The following THOC2 variants were observed in gnomAD, a reference collection of about 807,000 sequenced individuals.
THOC2 encodes THO complex 2.
In THOC2, 10 loss-of-function variants were observed where a neutral mutation model predicts 128.4. That is an observed-to-expected ratio of 0.08 (90% CI 0.05 to 0.13). THOC2 has a LOEUF of 0.13. Among genes scored for constraint, THOC2 ranks in the 10% least tolerant of loss-of-function variants. THOC2 has a pLI of 1.00. For missense variants in THOC2, 535 were observed against 1,155.7 expected (o/e 0.46, Z 7.79); for synonymous variants, 393 against 396.9 (o/e 0.99, Z 0.12).
intron 8 of THOC2, among the ~76,000 whole-genome samples, chrX:123,680,590 A>ACGAAAAACACCCACAGGTG (rs1364671766): frequency 9.1e-6 from 1 of 110,143 alleles, no homozygotes; most frequent in Non-Finnish European, 1.9e-5. Context: ...GTTCCACCTA[A>ACGAAAAACACCCACAGGTG]CGAAAAACAC....
chrX:123,628,862 T>C (rs1191129917), intron 22 of THOC2, among the ~76,000 whole-genome samples: 1 of 110,784 alleles, frequency 9.0e-6, no homozygotes, highest in Non-Finnish European at 1.9e-5. Context: ...GTGCTAAAAC[T>C]GGGAACATCC....
chrX:123,686,370 T>G, intron 8 of THOC2, among the ~76,000 whole-genome samples, 178 bp downstream of exon 8: 1 of 112,350 alleles, frequency 8.9e-6, no homozygotes. Context: ...TCACATCACA[T>G]CATTCATACT....
rs1456734692 is a variant in THOC2, at chrX:123,668,322, T to C, written c.862-8A>G. The C allele has an allele frequency of 2.2e-5, 25 of 1,153,887 alleles. No individual in the cohort carries two copies. The highest frequency in any genetic ancestry group is 2.9e-5 in the Non-Finnish European group (25 of 862,656). ...ATTATCAGCCGGAAGAAGCTAAAAA[T>C]GGTACATTAAAATTTCATAAAATAG... On this transcript the variant is annotated splice_polypyrimidine_tract_variant and splice_region_variant and intron_variant, in intron 9 of 38. Transcript: ENST00000245838.
At chrX:123,704,818 A>G (rs376975269) in intron 3 of THOC2, among the ~76,000 whole-genome samples, 1 of 112,065 alleles carries the variant, frequency 8.9e-6, no homozygotes, top group East Asian at 2.8e-4. Flanking sequence ...AGATTGTGCC[A>G]CTGCACTCTA....
intron 18 of THOC2, among the ~76,000 whole-genome samples, chrX:123,636,578 A>T (rs2047680721): frequency 9.0e-6 from 1 of 111,711 alleles, no homozygotes; most frequent in African/African-American, 3.3e-5. Flanking sequence ...ACTTGAATAA[A>T]TGACAAAATG....
rs772144157 is a variant in THOC2 at position 123,667,131 on chromosome X, T to C, written c.1165A>G (p.Ile389Val). 1.7e-6 allele frequency: 2 copies of C among 1,197,078 alleles called. No homozygotes were observed. The highest frequency in any genetic ancestry group is 2.2e-6 in the Non-Finnish European group (2 of 889,031). ...CTTCGGTAGAGAGGCTCAATAGTTA[T>C]ATGAATGAGCTTGCAAATAGCAAGG... ...IALAICKLIH[I>V]TIEPLYRRVG... The change falls in exon 11 of 39, where the codon ATA becomes GTA. Residue 389 changes from isoleucine to valine, a missense_variant. Ile to Val is a conservative substitution (Grantham distance 29). Transcript: ENST00000245838.
intron 1 of THOC2, among the ~76,000 whole-genome samples, chrX:123,722,376 A>G (rs918183572): frequency 8.9e-6 from 1 of 112,102 alleles, no homozygotes; most frequent in Non-Finnish European, 1.9e-5. Context: ...ACCATGGAAT[A>G]CTATGCAACC....
chrX:123,651,381 A>C (rs1341013966), intron 12 of THOC2, among the ~76,000 whole-genome samples: 2 of 111,911 alleles, frequency 1.8e-5, no homozygotes, highest in Non-Finnish European at 3.8e-5. Flanking sequence ...TAACATCACA[A>C]TTAAAAGAAG....
chrX:123,656,220 G>A (rs367701581), intron 12 of THOC2, among the ~76,000 whole-genome samples: 38 of 107,005 alleles, frequency 3.6e-4, no homozygotes, highest in African/African-American at 1.2e-3. Flanking sequence ...CTACTGAGGA[G>A]GCTGAGGCAG....
chrX:123,662,446 G>C (rs1362284717), intron 12 of THOC2, among the ~76,000 whole-genome samples: 2 of 109,142 alleles, frequency 1.8e-5, no homozygotes, highest in African/African-American at 6.7e-5. Context: ...AAATTAGCCG[G>C]GCGTGGTGGT....
At chrX:123,663,699 C>G (rs185722682) in intron 12 of THOC2, among the ~76,000 whole-genome samples, 1 of 108,796 alleles carries the variant, frequency 9.2e-6, no homozygotes, top group Admixed American at 9.9e-5. Flanking sequence ...TATACATGTG[C>G]CATGTTGGTG....
chrX:123,707,040 A>G, intron 2 of THOC2, 91 bp from the exon 3 acceptor site: 1 of 362,105 alleles, frequency 2.8e-6, no homozygotes, highest in Non-Finnish European at 4.6e-6. Context: ...AATTATTATA[A>G]ACATCAATAA....
chrX:123,707,665 T>C (rs933978402), intron 2 of THOC2, among the ~76,000 whole-genome samples: 7 of 111,004 alleles, frequency 6.3e-5, no homozygotes, highest in African/African-American at 1.3e-4. Context: ...TGGTCATCTT[T>C]TTTTTAAGTC....
At chrX:123,665,370 G>A (rs2147797044) in intron 12 of THOC2, among the ~76,000 whole-genome samples, 1 of 111,399 alleles carries the variant, frequency 9.0e-6, no homozygotes, top group South Asian at 3.8e-4. Context: ...TATAGTCTAG[G>A]TATGTAGTAG....
chrX:123,703,376 A>C (rs1022434449), intron 4 of THOC2, 78 bp downstream of exon 4: 2 of 642,762 alleles, frequency 3.1e-6, no homozygotes, highest in African/African-American at 2.2e-5. Flanking sequence ...TAAAATTCTT[A>C]GTTTAAAACA....
At chrX:123,662,442 G>T (rs12837704) in intron 12 of THOC2, among the ~76,000 whole-genome samples, 1 of 109,140 alleles carries the variant, frequency 9.2e-6, no homozygotes, top group Admixed American at 9.9e-5. Context: ...AAAAAAATTA[G>T]CCGGGCGTGG....
At chrX:123,651,769 T>C (rs2048369019) in intron 12 of THOC2, among the ~76,000 whole-genome samples, 1 of 103,312 alleles carries the variant, frequency 9.7e-6, no homozygotes, top group African/African-American at 3.6e-5. Context: ...AATCCCTGAA[T>C]AGACCAATAA....
rs568237648 is a variant in THOC2, at chrX:123,729,186, T to C, written c.71+3766A>G. ...ATTATTGGAAATTACAATTACATTT[T>C]GGTAGTCCTCCTTTGCCCTTCTGAT... On this transcript the variant is annotated intron_variant, in intron 1 of 38. Transcript: ENST00000245838. 1.2e-4 allele frequency among the ~76,000 whole-genome samples: 13 copies of C among 112,132 alleles called. No homozygotes were observed. In the South Asian group the frequency reaches 4.4e-3, roughly 38 times the overall value.
intron 1 of THOC2, among the ~76,000 whole-genome samples, chrX:123,728,849 T>G (rs1224079406): frequency 8.9e-6 from 1 of 112,244 alleles, no homozygotes; most frequent in Non-Finnish European, 1.9e-5. Flanking sequence ...ACAGATGATA[T>G]TCAACAAACG....
Sources: gnomAD v4.1 joint callset for allele counts (sites outside exome capture counted in the v4.1 genomes callset) on GRCh38, gnomAD v4.1.1 for gene constraint, MANE v1.5 for transcripts, NCBI Gene and HGNC (gene_info 2026-07-23, HGNC 2026-07-21) for gene names.